The following TBL1X variants were observed in gnomAD, a reference collection of about 807,000 sequenced individuals.
TBL1X encodes F-box-like/WD repeat-containing protein TBL1X.
In TBL1X, 10 loss-of-function variants were observed where a neutral mutation model predicts 50.7. The observed-to-expected ratio is 0.20, with a 90% confidence interval of 0.12 to 0.33. The LOEUF (loss-of-function observed/expected upper bound fraction) is 0.33, where lower values mean the gene tolerates loss of function less well. TBL1X is among the 10% of genes least tolerant of loss of function. The pLI is 1.00. For missense variants in TBL1X, 340 were observed against 504.4 expected, an observed-to-expected ratio of 0.67 and a Z score of 3.12; for synonymous variants, 190 against 214.7, an observed-to-expected ratio of 0.88 and a Z score of 1.01.
chrX:9,630,933 C>T, intron 2 of TBL1X, among the ~76,000 whole-genome samples: 1 of 111,401 alleles, frequency 9.0e-6, no homozygotes, highest in Middle Eastern at 4.7e-3. Flanking sequence ...GCTGGCTGTT[C>T]ATATTTTCAA....
chrX:9,698,661 AC>A (rs200287920), intron 12 of TBL1X, among the ~76,000 whole-genome samples: 3,350 of 112,055 alleles, frequency 0.03, 58 homozygotes, highest in South Asian at 0.046. Flanking sequence ...CACAGCATAA[AC>A]ACACTGTTTG....
intron 16 of TBL1X, among the ~76,000 whole-genome samples, chrX:9,714,390 T>G (rs1390722678): frequency 9.0e-6 from 1 of 111,702 alleles, no homozygotes; most frequent in East Asian, 2.8e-4. Context: ...AGAACAGGAT[T>G]AGATGGGCGA....
Position 9,714,918 on chromosome X carries a change from A to G in TBL1X, c.1622A>G (p.His541Arg). ...GCTTTGCAGAGTGGAAATCTTGTCC[A>G]CAGCTACCGAGGCACTGGCGGCATC... Reference protein sequence around the residue: ...IWNTQSGNLVHSYRGTGGIFE... With the variant: ...IWNTQSGNLVRSYRGTGGIFE... The change falls in exon 17 of 18, where the codon CAC becomes CGC. Residue 541 changes from histidine to arginine, a missense_variant. Around this residue, in one of 6 missense-constraint regions of TBL1X, gnomAD observed 170 missense variants for 272.6 expected, o/e 0.62. Coordinates refer to ENST00000645353, the MANE Select transcript of TBL1X (RefSeq NM_005647.4). 8.3e-7 allele frequency: 1 copy of G among 1,211,525 alleles called. No homozygotes were observed. Among genetic ancestry groups the G allele is most frequent in the Non-Finnish European group, 1.1e-6 (1 of 895,283 alleles).
At chrX:9,580,153 C>G (rs2015165) in intron 2 of TBL1X, among the ~76,000 whole-genome samples, 2 of 110,292 alleles carry the variant, frequency 1.8e-5, no homozygotes, top group Admixed American at 1.9e-4. Context: ...GAGAACACAG[C>G]TTGGTTTTAT....
intron 1 of TBL1X, among the ~76,000 whole-genome samples, chrX:9,478,351 T>C (rs754423903): frequency 1.8e-5 from 2 of 111,337 alleles, no homozygotes; most frequent in Admixed American, 1.9e-4. Flanking sequence ...TTGGAGGGAA[T>C]CTGGATGTTT....
intron 2 of TBL1X, among the ~76,000 whole-genome samples, chrX:9,567,563 A>G (rs948003112): frequency 3.6e-5 from 4 of 111,579 alleles, no homozygotes; most frequent in African/African-American, 1.3e-4. Flanking sequence ...GTCCCACTCA[A>G]ACCGGTTGTC....
intron 5 of TBL1X, among the ~76,000 whole-genome samples, chrX:9,674,393 T>G (rs965501391): frequency 9.1e-6 from 1 of 110,327 alleles, no homozygotes; most frequent in Non-Finnish European, 1.9e-5. Context: ...CCCAAGTAGC[T>G]GGGACCACAG....
At chrX:9,522,066 G>A (rs2082110008) in intron 2 of TBL1X, among the ~76,000 whole-genome samples, 1 of 98,559 alleles carries the variant, frequency 1.0e-5, no homozygotes. Context: ...CACCCAGGCT[G>A]AAGTGCAGGG....
chrX:9,479,938 A>ATGTGTGTGTGTGTGTGTGTGTGTGTG (rs112927270), intron 1 of TBL1X, among the ~76,000 whole-genome samples: 2,445 of 94,913 alleles, frequency 0.026, 53 homozygotes, highest in African/African-American at 0.045. Context: ...GGAAAGTAGA[A>ATGTGTGTGTGTGTGTGTGTGTGTGTG]TGTGTGTGTG....
intron 17 of TBL1X, among the ~76,000 whole-genome samples, chrX:9,715,729 C>T (rs1437977681): frequency 8.9e-6 from 1 of 111,885 alleles, no homozygotes; most frequent in East Asian, 2.8e-4. Flanking sequence ...GAAGCCCGGG[C>T]CTCTGGTGGC....
chrX:9,532,641 C>T (rs2082168265), intron 2 of TBL1X, among the ~76,000 whole-genome samples: 2 of 111,311 alleles, frequency 1.8e-5, no homozygotes, highest in South Asian at 7.6e-4. Flanking sequence ...CCTGGAGGTT[C>T]TAAGTCCCAG....
At chrX:9,628,603 A>G (rs1316979335) in intron 2 of TBL1X, among the ~76,000 whole-genome samples, 23 of 107,041 alleles carry the variant, frequency 2.1e-4, no homozygotes, top group African/African-American at 6.2e-4. Flanking sequence ...CTGGAGTGCA[A>G]TGGCGTGATC....
intron 2 of TBL1X, among the ~76,000 whole-genome samples, chrX:9,563,948 A>G (rs748477357): frequency 7.1e-5 from 8 of 112,699 alleles, no homozygotes; most frequent in East Asian, 2.8e-4. Flanking sequence ...GGAAGTATCT[A>G]TGCACTTCCC....
chrX:9,581,306 A>C (rs189997363), intron 2 of TBL1X, among the ~76,000 whole-genome samples: 165 of 111,644 alleles, frequency 1.5e-3, no homozygotes, highest in African/African-American at 5.2e-3. Flanking sequence ...TTCTTTTCTC[A>C]TGGCCTCTTT....
In TBL1X at chrX:9,670,906, T is replaced by C. The variant is rs187783539; in HGVS notation, c.212-13137T>C. 2.1e-3 allele frequency among the ~76,000 whole-genome samples: 237 copies of C among 112,610 alleles called. 1 individual carries two copies. Among genetic ancestry groups the C allele is most frequent in the Non-Finnish European group, 2.2e-3 (115 of 53,325 alleles). On this transcript the variant is annotated intron_variant, in intron 5 of 17. Coordinates refer to ENST00000645353, the MANE Select transcript of TBL1X (RefSeq NM_005647.4). ...GAAGGCCAGCATTTCTTTGAGGTGT[T>C]GGCAGTCTTTGCTTTAGGAATAATA...
At chrX:9,479,938 A>ATG (rs112927270) in intron 1 of TBL1X, among the ~76,000 whole-genome samples, 1,519 of 94,970 alleles carry the variant, frequency 0.016, 25 homozygotes, top group African/African-American at 0.048. Flanking sequence ...GGAAAGTAGA[A>ATG]TGTGTGTGTG....
chrX:9,709,834 C>T (rs1265582990), intron 15 of TBL1X, 74 bp downstream of exon 15: 2 of 1,150,263 alleles, frequency 1.7e-6, no homozygotes, highest in African/African-American at 1.8e-5. Flanking sequence ...AAAGCGCGTC[C>T]ATGCACGTGT....
At chrX:9,521,677 C>T (rs1361941808) in intron 2 of TBL1X, among the ~76,000 whole-genome samples, 2 of 111,832 alleles carry the variant, frequency 1.8e-5, no homozygotes, top group East Asian at 2.8e-4. Context: ...GGTTTTGCAT[C>T]CCCAGATACT....
At position 9,659,027 on chromosome X, in the gene TBL1X, G is replaced by A. The variant is rs1392051141; in HGVS notation, c.211+4705G>A. Among the ~76,000 whole-genome samples the A allele has an allele frequency of 3.0e-5, 3 of 101,223 alleles. No individual in the cohort carries two copies. The East Asian group carries it at 9.7e-4, about 33-fold the overall frequency. The allele number at this position is 101,223 out of a possible 115,157, so 87.9% of individuals were successfully genotyped here. On this transcript the variant is annotated intron_variant, in intron 5 of 17. Transcript: ENST00000645353. ...ATTTGTAGAGACAGGGTCTCACTGTGTTGCCCAATCTGGTCTCAAACTCCT... is the reference window on the plus strand; with the variant it reads ...ATTTGTAGAGACAGGGTCTCACTGTATTGCCCAATCTGGTCTCAAACTCCT...
Sources: gnomAD v4.1 joint callset for allele counts (sites outside exome capture counted in the v4.1 genomes callset) on GRCh38, gnomAD v4.1.1 for gene constraint, gnomAD v4.1.1 regional missense constraint, MANE v1.5 for transcripts, NCBI Gene and HGNC (gene_info 2026-07-23, HGNC 2026-07-21) for gene names.